Variants in FAM184A observed in about 807,000 individuals in gnomAD.
FAM184A encodes family with sequence similarity 184 member A, also known as protein FAM184A.
In FAM184A, 99 loss-of-function variants were observed where a neutral mutation model predicts 143.8. That is an observed-to-expected ratio of 0.69 (90% CI 0.58 to 0.81). The LOEUF is 0.81. FAM184A is among the 40% of genes least tolerant of loss of function. The pLI, the probability that FAM184A is intolerant of heterozygous loss-of-function variation, is 0.00. For missense variants in FAM184A, 1,217 were observed against 1,310.5 expected (o/e 0.93, Z 1.10); for synonymous variants, 427 against 446.4 (o/e 0.96, Z 0.55).
intron 4 of FAM184A, among the ~76,000 whole-genome samples, chr6:119,019,292 G>A (rs1006127603): frequency 2.0e-5 from 3 of 152,216 alleles, no homozygotes; most frequent in Non-Finnish European, 2.9e-5. Flanking sequence ...AGTAAGATAT[G>A]ATCCACCAAG....
In FAM184A at chr6:118,975,105, T is replaced by G. The variant is rs755182279; in HGVS notation, c.2687A>C (p.Asn896Thr). 1.1e-5 allele frequency: 17 copies of G among 1,613,424 alleles called. No individual in the cohort carries two copies. The South Asian group carries it at 1.8e-4, about 17-fold the overall frequency. Residue 896 changes from asparagine to threonine, a missense_variant, in exon 13 of 18, where the codon AAT becomes ACT. Physicochemically the swap from Asn to Thr is moderately conservative, Grantham distance 65. Coordinates refer to ENST00000338891, the MANE Select transcript of FAM184A (RefSeq NM_024581.6). The part of the protein sequence containing the change: ...LDKEVQHLHE[N>T]ISALTKELEF... ...CAGTTCTTTGGTTAGGGCACTTATATTCTCATGAAGGTGCTGAACCTCCTT... is the reference window on the plus strand; with the variant it reads ...CAGTTCTTTGGTTAGGGCACTTATAGTCTCATGAAGGTGCTGAACCTCCTT...
intron 1 of FAM184A, among the ~76,000 whole-genome samples, chr6:119,047,467 T>G (rs933184877): frequency 2.6e-5 from 4 of 152,188 alleles, no homozygotes; most frequent in Non-Finnish European, 4.4e-5. Context: ...TAGTTAAGAT[T>G]TGGAAGTAAC....
At chr6:119,073,335 T>C (rs1297129206) in intron 1 of FAM184A, among the ~76,000 whole-genome samples, 1 of 152,206 alleles carries the variant, frequency 6.6e-6, no homozygotes, top group South Asian at 2.1e-4. Context: ...CTATACTAGT[T>C]AAGTGATAAA....
chr6:118,961,818 T>C lies in FAM184A; in HGVS notation c.3284A>G (p.Asn1095Ser), dbSNP rs1783335012. 6.2e-7 allele frequency: 1 copy of C among 1,613,830 alleles called. No individual in the cohort carries two copies. The highest frequency in any genetic ancestry group is 1.7e-5 in the Admixed American group (1 of 59,970). Residue 1095 changes from asparagine (N) to serine (S), a missense_variant, in exon 17 of 18, where the codon AAC becomes AGC. Asn to Ser is a conservative substitution (Grantham distance 46). Transcript: ENST00000338891. ...PNSPVHDIEF[N>S]SSKPLPQPVP... ...TGGCTGTGGAAGTGGTTTGCTGCTG[T>C]TGAACTCAATATCGTGGACTGGAGA... is the stretch of plus-strand genomic sequence containing the variant.
At chr6:119,084,405 AAAT>A (rs1468371061) in intron 1 of FAM184A, among the ~76,000 whole-genome samples, 2 of 152,210 alleles carry the variant, frequency 1.3e-5, no homozygotes, top group Non-Finnish European at 2.9e-5. Context: ...TAAAGCTCCC[AAAT>A]AATCTCTTTT....
intron 1 of FAM184A, among the ~76,000 whole-genome samples, chr6:119,144,684 T>C (rs1298752658): frequency 6.6e-6 from 1 of 152,240 alleles, no homozygotes; most frequent in Non-Finnish European, 1.5e-5. Flanking sequence ...ATAAAAGTCA[T>C]GAGAGTCTTT....
In FAM184A at chr6:119,125,166, T is replaced by G. The variant is rs72955068; in HGVS notation, c.-202+23912A>C. ...TTAGAATAAGCTTTCAGAAAATTTG[T>G]ATGTAAGTCTGGTCTATGACTTCAA... On this transcript the variant is annotated intron_variant, in intron 1 of 16. Transcript: ENST00000352896. Among the ~76,000 whole-genome samples, 761 of 152,382 alleles carry G rather than the reference T, an allele frequency of 5.0e-3. 5 individuals are homozygous for G. The highest frequency in any genetic ancestry group is 0.024 in the Middle Eastern group (7 of 294).
rs1186874902 is a variant in FAM184A at position 119,003,585 on chromosome 6, GT to G, written c.1852del (p.Thr618GlnfsTer5). On this transcript the variant is annotated frameshift_variant, in exon 8 of 18. Coordinates refer to ENST00000338891, the MANE Select transcript of FAM184A (RefSeq NM_024581.6). LOFTEE classifies it high-confidence loss of function. ...LEQERQQHEETIAAMKEEEKL... is the reference protein window; with the variant it reads ...LEQERQQHEEXIAAMKEEEKL... ...CTCTTCTTCTTTCATGGCAGCAATT[GT>G]TTCTTCATGCTGTTGCCTTTCTTGT... 6.2e-7 allele frequency: 1 copy of G among 1,611,964 alleles called. No individual in the cohort carries two copies.
At chr6:119,015,450 T>C (rs1785213366) in intron 5 of FAM184A, among the ~76,000 whole-genome samples, 1 of 152,108 alleles carries the variant, frequency 6.6e-6, no homozygotes, top group Admixed American at 6.5e-5. Flanking sequence ...CCCCGGGCAG[T>C]GAGGGGCTTA....
At chr6:119,023,863 CTGATT>C in intron 2 of FAM184A, 91 bp downstream of exon 2, 1 of 953,504 alleles carries the variant, frequency 1.0e-6, no homozygotes, top group Non-Finnish European at 1.5e-6. Flanking sequence ...TGTGAAGCCA[CTGATT>C]CTAAGTGGGC....
chr6:119,003,381 C>A, intron 8 of FAM184A, 120 bp downstream of exon 8: 3 of 990,060 alleles, frequency 3.0e-6, no homozygotes, highest in South Asian at 4.8e-5. Flanking sequence ...TCTCTAATCA[C>A]AGGAAATTTT....
chr6:118,960,056 C>A lies in FAM184A; in HGVS notation c.*47G>T. 1 of 1,452,342 alleles carries A rather than the reference C, an allele frequency of 6.9e-7. No homozygotes were observed. The highest frequency in any genetic ancestry group is 1.2e-5 in the South Asian group (1 of 84,140). 90.0% of individuals were successfully genotyped at this position (1,452,342 alleles called of 1,614,324 possible). On this transcript the variant is annotated 3_prime_UTR_variant, in exon 18 of 18. Transcript: ENST00000338891. ...ATTTACATAACAATCTGTATAAAGT[C>A]ATGCTCTTAGTAACAGTCTATACAG... is the stretch of plus-strand genomic sequence containing the variant.
chr6:118,981,283 A>T (rs1784014300), intron 9 of FAM184A, among the ~76,000 whole-genome samples: 1 of 152,238 alleles, frequency 6.6e-6, no homozygotes, highest in Non-Finnish European at 1.5e-5. Context: ...CATACACAGG[A>T]TATTGTAACT....
At chr6:119,074,558 TA>T (rs1787804384) in intron 1 of FAM184A, among the ~76,000 whole-genome samples, 1 of 151,106 alleles carries the variant, frequency 6.6e-6, no homozygotes, top group Non-Finnish European at 1.5e-5. Flanking sequence ...TCTCAAAGAG[TA>T]AATTGAAAGA....
intron 12 of FAM184A, 127 bp downstream of exon 12, chr6:118,975,789 CT>C: frequency 1.1e-6 from 1 of 900,128 alleles, no homozygotes; most frequent in Non-Finnish European, 1.6e-6. Flanking sequence ...TCAAATAAAG[CT>C]CTTCAATATA....
chr6:119,019,327 G>A (rs1424690671), intron 4 of FAM184A, among the ~76,000 whole-genome samples: 5 of 152,172 alleles, frequency 3.3e-5, no homozygotes, highest in Admixed American at 3.3e-4. Flanking sequence ...TGGCACTGAG[G>A]GCTGAGGCAA....
At chr6:119,007,838 G>A (rs1342875459) in intron 6 of FAM184A, among the ~76,000 whole-genome samples, 1 of 152,050 alleles carries the variant, frequency 6.6e-6, no homozygotes, top group Non-Finnish European at 1.5e-5. Context: ...CTACCTGAGA[G>A]GCTGAGGCAG....
At chr6:119,068,142 GTTCAAGCAA>G (rs1787534957) in intron 1 of FAM184A, among the ~76,000 whole-genome samples, 1 of 149,234 alleles carries the variant, frequency 6.7e-6, no homozygotes, top group African/African-American at 2.5e-5. Context: ...CGCCTCCTGG[GTTCAAGCAA>G]TTCTCCTGCC....
intron 1 of FAM184A, among the ~76,000 whole-genome samples, chr6:119,122,859 A>C (rs905274700): frequency 1.6e-5 from 2 of 123,862 alleles, no homozygotes. Flanking sequence ...TGGGAGGTGG[A>C]GGTTGCAGTA....
Sources: allele counts gnomAD v4.1 joint callset (sites outside exome capture counted in the v4.1 genomes callset), GRCh38; gene constraint gnomAD v4.1.1; transcripts MANE v1.5; gene names NCBI Gene and HGNC (gene_info 2026-07-23, HGNC 2026-07-21).